Variants in LAMA2 observed in about 807,000 individuals in gnomAD.
LAMA2 encodes the protein laminin subunit alpha 2.
A neutral mutation model predicts 364.8 loss-of-function variants in LAMA2; 269 were observed. That is an observed-to-expected ratio of 0.74 (90% CI 0.67 to 0.82). The LOEUF is 0.82. Among genes scored for constraint, LAMA2 ranks in the 40% least tolerant of loss-of-function variants. The pLI, the probability that LAMA2 is intolerant of heterozygous loss-of-function variation, is 0.00. For missense variants in LAMA2, 3,807 were observed against 3,873.2 expected (o/e 0.98, Z 0.45); for synonymous variants, 1,379 against 1,370.6 (o/e 1.01, Z -0.14).
chr6:129,005,358 G>T (rs1784382928), intron 1 of LAMA2, among the ~76,000 whole-genome samples: 1 of 151,616 alleles, frequency 6.6e-6, no homozygotes, highest in African/African-American at 2.4e-5. Flanking sequence ...AATGATTGCA[G>T]CATTCTCTGA....
intron 40 of LAMA2, among the ~76,000 whole-genome samples, chr6:129,415,743 G>A (rs1195087034): frequency 6.6e-6 from 1 of 152,064 alleles, no homozygotes; most frequent in Non-Finnish European, 1.5e-5. Flanking sequence ...CTACTCAGGA[G>A]GCTGAGGTGG....
intron 1 of LAMA2, among the ~76,000 whole-genome samples, chr6:128,911,605 G>C (rs374723702): frequency 1.3e-5 from 2 of 152,088 alleles, no homozygotes; most frequent in African/African-American, 4.8e-5. Context: ...CTTCTGCGTC[G>C]CTCACGCTGG....
chr6:128,989,538 A>G (rs1227733173), intron 1 of LAMA2, among the ~76,000 whole-genome samples: 2 of 152,210 alleles, frequency 1.3e-5, no homozygotes, highest in African/African-American at 4.8e-5. Flanking sequence ...CCATCTATTA[A>G]GTGGAGATCA....
In LAMA2 at chr6:129,175,426, T is replaced by C. The variant is rs1489717079; in HGVS notation, c.1307-2280T>C. On this transcript the variant is annotated intron_variant, in intron 9 of 64. Transcript: ENST00000421865. ...GCTAAGTATAATGACTACCATAAGA[T>C]AAGTGCTATTTGAGTCTTAGAAGTT... Among the ~76,000 whole-genome samples, 10 of 152,364 alleles carry C rather than the reference T, an allele frequency of 6.6e-5. No individual in the cohort carries two copies. In the East Asian group the frequency reaches 1.7e-3, roughly 26 times the overall value.
chr6:128,939,268 C>T lies in LAMA2; in HGVS notation c.112+55911C>T, dbSNP rs557025238. Among the ~76,000 whole-genome samples the T allele has an allele frequency of 6.6e-5, 10 of 152,144 alleles. No individual in the cohort carries two copies. The South Asian group carries it at 8.3e-4, about 13-fold the overall frequency. On this transcript the variant is annotated intron_variant, in intron 1 of 64. Coordinates refer to ENST00000421865, the MANE Select transcript of LAMA2 (RefSeq NM_000426.4). ...TATTAATAATTTTTTGTTCTTGTGTCCATGATAGACTTTGTCATAATGTAT... is the reference window on the plus strand; with the variant it reads ...TATTAATAATTTTTTGTTCTTGTGTTCATGATAGACTTTGTCATAATGTAT...
chr6:129,062,968 G>T (rs9321148), intron 3 of LAMA2, among the ~76,000 whole-genome samples: 2 of 144,348 alleles, frequency 1.4e-5, no homozygotes, highest in East Asian at 4.0e-4. Context: ...AGAAAAAATA[G>T]CAATTTGTTT....
At chr6:128,947,227 G>C (rs1194360847) in intron 1 of LAMA2, among the ~76,000 whole-genome samples, 1 of 152,178 alleles carries the variant, frequency 6.6e-6, no homozygotes, top group Admixed American at 6.6e-5. Context: ...AAATAAGACT[G>C]CTGAAGTATT....
rs745834153 is a variant in LAMA2, at chr6:129,465,135, C to T, written c.7156-10C>T. ...ATCTAACCACTGGGGTATGTTTACT[C>T]TATTAATAGAGAGATTTCATGAGTG... is the stretch of plus-strand genomic sequence containing the variant. On this transcript the variant is annotated splice_polypyrimidine_tract_variant and intron_variant, in intron 50 of 64. Coordinates refer to ENST00000421865, the MANE Select transcript of LAMA2 (RefSeq NM_000426.4). The T allele has an allele frequency of 1.9e-6, 3 of 1,604,854 alleles. No individual in the cohort carries two copies. Among genetic ancestry groups the T allele is most frequent in the Admixed American group, 1.7e-5 (1 of 59,790 alleles).
At chr6:129,416,294 C>G (rs1453278737) in intron 40 of LAMA2, among the ~76,000 whole-genome samples, 1 of 152,132 alleles carries the variant, frequency 6.6e-6, no homozygotes, top group Non-Finnish European at 1.5e-5. Flanking sequence ...AGTTTTATTC[C>G]CCACCAATCT....
At chr6:129,231,265 A>G (rs1403639768) in intron 12 of LAMA2, among the ~76,000 whole-genome samples, 1 of 152,144 alleles carries the variant, frequency 6.6e-6, no homozygotes, top group Non-Finnish European at 1.5e-5. Flanking sequence ...TATTATTTTG[A>G]AATTATGCTT....
chr6:129,274,347 C>A (rs1452211411), intron 17 of LAMA2, among the ~76,000 whole-genome samples: 1 of 151,456 alleles, frequency 6.6e-6, no homozygotes, highest in Admixed American at 6.6e-5. Context: ...GAGCTAGAAA[C>A]TCTGAGATAT....
chr6:129,423,326 G>A (rs1361781664), intron 40 of LAMA2, among the ~76,000 whole-genome samples: 1 of 151,954 alleles, frequency 6.6e-6, no homozygotes, highest in African/African-American at 2.4e-5. Flanking sequence ...AGTACAAGGG[G>A]CAAGAAAAAG....
At chr6:129,429,603 G>T (rs983782207) in intron 41 of LAMA2, among the ~76,000 whole-genome samples, 4 of 152,136 alleles carry the variant, frequency 2.6e-5, no homozygotes, top group Admixed American at 2.6e-4. Context: ...ACATAATTCT[G>T]CTCAGCAGGT....
At chr6:128,957,048 G>T (rs552752681) in intron 1 of LAMA2, among the ~76,000 whole-genome samples, 1 of 152,228 alleles carries the variant, frequency 6.6e-6, no homozygotes, top group African/African-American at 2.4e-5. Flanking sequence ...ACACTCTTCT[G>T]TGTTTCACTA....
chr6:129,502,966 A>G, intron 59 of LAMA2, 125 bp from the exon 60 acceptor site: 2 of 980,740 alleles, frequency 2.0e-6, no homozygotes, highest in Non-Finnish European at 1.6e-6. Flanking sequence ...AGCCTGATAA[A>G]GTCCTCATCT....
At chr6:129,137,038 G>A (rs1777836376) in intron 4 of LAMA2, among the ~76,000 whole-genome samples, 1 of 152,116 alleles carries the variant, frequency 6.6e-6, no homozygotes, top group African/African-American at 2.4e-5. Flanking sequence ...GACCTGTTAA[G>A]TCTAAGCTTA....
chr6:129,443,024 A>T (rs779624926), intron 43 of LAMA2, 39 bp from the exon 44 acceptor site: 9 of 1,492,296 alleles, frequency 6.0e-6, no homozygotes, highest in East Asian at 2.3e-5. Context: ...TGAATTTATA[A>T]TTTTTTTTTG....
At chr6:129,379,028 A>T (rs1451240044) in intron 34 of LAMA2, among the ~76,000 whole-genome samples, 1 of 152,220 alleles carries the variant, frequency 6.6e-6, no homozygotes, top group African/African-American at 2.4e-5. Context: ...ATGCAGCCAT[A>T]AAAAAGAATG....
At chr6:129,470,222 TG>T (rs562582482) in intron 51 of LAMA2, among the ~76,000 whole-genome samples, 1 of 151,580 alleles carries the variant, frequency 6.6e-6, no homozygotes, top group Non-Finnish European at 1.5e-5. Context: ...GTAGATTGGG[TG>T]GGGGGGTCAT....
Sources: allele counts gnomAD v4.1 joint callset (sites outside exome capture counted in the v4.1 genomes callset), GRCh38; gene constraint gnomAD v4.1.1; transcripts MANE v1.5; gene names NCBI Gene and HGNC (gene_info 2026-07-23, HGNC 2026-07-21).